ST18: variants seen among roughly 807,000 people sequenced by gnomAD.
ST18 encodes ST18 C2H2C-type zinc finger transcription factor.
Under a neutral mutation model 110.0 loss-of-function variants are expected in ST18, and 50 were observed. The ratio of observed to expected loss-of-function variants is 0.45; its 90% CI spans 0.36 to 0.58. ST18 has a LOEUF of 0.58. ST18 is among the 20% of genes least tolerant of loss of function. ST18 has a pLI of 0.00. For missense variants in ST18, 1,306 were observed against 1,280.1 expected (o/e 1.02, Z -0.31); for synonymous variants, 461 against 452.4 (o/e 1.02, Z -0.24).
Position 52,112,416 on chromosome 8 carries a change from T to A in ST18, c.*782A>T, listed in dbSNP as rs1180974680. On this transcript the variant is annotated 3_prime_UTR_variant, in exon 26 of 26. Coordinates refer to ENST00000689386, the MANE Select transcript of ST18 (RefSeq NM_001352837.2). The stretch of plus-strand genomic sequence containing the variant: ...AAATCTGCATCACTAAAAAGGCTTA[T>A]GTTTCTTTAAAACATTTCAAATAAA... The A allele has an allele frequency of 3.9e-5, 6 of 152,660 alleles. No individual in the cohort carries two copies. The highest frequency in any genetic ancestry group is 8.8e-5 in the Non-Finnish European group (6 of 68,040). 9.5% of individuals were successfully genotyped at this position (152,660 alleles called of 1,614,324 possible).
At chr8:52,354,555 T>C (rs1445535260) in intron 2 of ST18, among the ~76,000 whole-genome samples, 1 of 152,152 alleles carries the variant, frequency 6.6e-6, no homozygotes, top group African/African-American at 2.4e-5. Flanking sequence ...ATACATAGTG[T>C]TTGAATTCGC....
At chr8:52,255,321 G>A (rs1564343666) in intron 2 of ST18, among the ~76,000 whole-genome samples, 1 of 152,122 alleles carries the variant, frequency 6.6e-6, no homozygotes, top group Non-Finnish European at 1.5e-5. Context: ...GTGGACATTT[G>A]ATACCCTTCC....
rs1564591511 is a variant in ST18 at position 52,367,233 on chromosome 8, G to GCCACACACACACACAC, written c.-465+42094_-465+42095insGTGTGTGTGTGTGTGG. On this transcript the variant is annotated intron_variant, in intron 2 of 25. Transcript: ENST00000689386. ...AGCCTGGGTGACAGAGCGGGACCCTGTCTCACACACACACACACACACACA... is the reference window on the plus strand; with the variant it reads ...AGCCTGGGTGACAGAGCGGGACCCTGCCACACACACACACACTCTCACACACACACACACACACACA... Among the ~76,000 whole-genome samples, 1,097 of 131,264 alleles carry GCCACACACACACACAC rather than the reference G, an allele frequency of 8.4e-3. 18 individuals carry two copies. The highest frequency in any genetic ancestry group is 0.011 in the Non-Finnish European group (692 of 64,960). 86.1% of individuals were successfully genotyped at this position (131,264 alleles called of 152,430 possible). A position where few individuals can be genotyped will look rare whatever the true frequency, so the allele number is the denominator to read the frequency against.
chr8:52,177,540 G>A (rs912260855), intron 9 of ST18, among the ~76,000 whole-genome samples: 1 of 152,092 alleles, frequency 6.6e-6, no homozygotes, highest in African/African-American at 2.4e-5. Flanking sequence ...CCTAGGGGGT[G>A]GGGGGTAACT....
Position 52,158,341 on chromosome 8 carries a change from C to A in ST18, c.1806+557G>T, listed in dbSNP as rs776275360. Among the ~76,000 whole-genome samples the A allele has an allele frequency of 6.2e-4, 95 of 152,182 alleles. 1 individual carries two copies. The highest frequency in any genetic ancestry group is 1.5e-4 in the Non-Finnish European group (10 of 68,038). ...GAGGTCTCAACCCTCCCTGAATCAT[C>A]TCCTGTTGATTTAATGTATTCATGT... On this transcript the variant is annotated intron_variant, in intron 15 of 25. Transcript: ENST00000689386.
intron 23 of ST18, among the ~76,000 whole-genome samples, chr8:52,119,694 C>T (rs1181845480): frequency 2.0e-5 from 3 of 152,112 alleles, no homozygotes; most frequent in African/African-American, 7.2e-5. Flanking sequence ...TGAAAGGAAA[C>T]CACATGCCCA....
intron 8 of ST18, among the ~76,000 whole-genome samples, chr8:52,208,621 T>C (rs967109037): frequency 1.3e-5 from 2 of 152,126 alleles, no homozygotes; most frequent in Admixed American, 1.3e-4. Context: ...GGTCAGGAGA[T>C]TGAGACCATC....
chr8:52,176,288 G>T (rs894939871), intron 9 of ST18, among the ~76,000 whole-genome samples: 4 of 152,162 alleles, frequency 2.6e-5, no homozygotes, highest in African/African-American at 9.7e-5. Flanking sequence ...CTCCCAAAGT[G>T]CTGGGTTACA....
intron 6 of ST18, among the ~76,000 whole-genome samples, chr8:52,216,270 C>T (rs868694913): frequency 6.6e-6 from 1 of 152,130 alleles, no homozygotes; most frequent in Non-Finnish European, 1.5e-5. Context: ...TCCAGGCAGC[C>T]GCTCCCTACT....
intron 2 of ST18, among the ~76,000 whole-genome samples, chr8:52,375,127 C>G (rs1365637213): frequency 5.9e-5 from 9 of 152,160 alleles, no homozygotes; most frequent in Admixed American, 5.9e-4. Flanking sequence ...TTATCTCTCT[C>G]TCTCTCTCTC....
At chr8:52,127,917 A>G (rs979916145) in intron 22 of ST18, among the ~76,000 whole-genome samples, 3 of 152,186 alleles carry the variant, frequency 2.0e-5, no homozygotes, top group Non-Finnish European at 4.4e-5. Flanking sequence ...AAGGCAGAAA[A>G]AAACGTGCCT....
At chr8:52,269,946 G>T (rs2095016505) in intron 2 of ST18, among the ~76,000 whole-genome samples, 1 of 152,118 alleles carries the variant, frequency 6.6e-6, no homozygotes, top group African/African-American at 2.4e-5. Flanking sequence ...TAAAACTTAT[G>T]TCAAGGTCAT....
At chr8:52,202,020 G>A (rs1315822902) in intron 8 of ST18, among the ~76,000 whole-genome samples, 1 of 152,144 alleles carries the variant, frequency 6.6e-6, no homozygotes, top group Admixed American at 6.5e-5. Flanking sequence ...GTAGTTGAGG[G>A]GCCAATGGAA....
intron 10 of ST18, among the ~76,000 whole-genome samples, chr8:52,170,239 G>A (rs1293965623): frequency 8.5e-5 from 13 of 152,054 alleles, no homozygotes; most frequent in Admixed American, 3.3e-4. Flanking sequence ...AGGCCGAGGC[G>A]GATGGATCAT....
At chr8:52,137,612 G>T in intron 17 of ST18, 129 bp from the exon 18 acceptor site, 1 of 790,906 alleles carries the variant, frequency 1.3e-6, no homozygotes, top group Non-Finnish European at 2.0e-6. Flanking sequence ...ACATGCAGAA[G>T]CTAGTGTACC....
intron 2 of ST18, chr8:52,246,499 C>T (rs955048278): frequency 2.6e-5 from 4 of 152,182 alleles, no homozygotes; most frequent in African/African-American, 9.6e-5. Context: ...TTTAGGTATG[C>T]TTTTGATAGC....
At chr8:52,202,044 C>G (rs914182298) in intron 8 of ST18, among the ~76,000 whole-genome samples, 12 of 152,198 alleles carry the variant, frequency 7.9e-5, no homozygotes, top group African/African-American at 2.7e-4. Context: ...GCTGGCTAAA[C>G]AGCCTTGGTT....
chr8:52,369,292 T>A (rs190894340), intron 2 of ST18, among the ~76,000 whole-genome samples: 3 of 152,274 alleles, frequency 2.0e-5, no homozygotes, highest in Non-Finnish European at 2.9e-5. Context: ...CCCTTGTAAT[T>A]AGTTGTGGTC....
At chr8:52,261,132 T>C (rs2138647887) in intron 2 of ST18, among the ~76,000 whole-genome samples, 1 of 152,322 alleles carries the variant, frequency 6.6e-6, no homozygotes. Context: ...CTGCTGACAC[T>C]GACGGCTAAA....
Sources: gnomAD v4.1 joint callset for allele counts (sites outside exome capture counted in the v4.1 genomes callset) on GRCh38, gnomAD v4.1.1 for gene constraint, MANE v1.5 for transcripts, NCBI Gene and HGNC (gene_info 2026-07-23, HGNC 2026-07-21) for gene names.